The following PRG3 variants were observed in gnomAD, a reference collection of about 807,000 sequenced individuals.
PRG3 encodes the protein proteoglycan 3.
Under a neutral mutation model 26.1 loss-of-function variants are expected in PRG3, and 25 were observed. That is an observed-to-expected ratio of 0.96 (90% CI 0.70 to 1.34). The LOEUF (loss-of-function observed/expected upper bound fraction) is 1.34. Among genes scored for constraint, PRG3 ranks in the 40% most tolerant of loss-of-function variants. PRG3 has a pLI of 0.00. For missense variants in PRG3, 280 were observed against 264.8 expected (o/e 1.06, Z -0.40); for synonymous variants, 111 against 100.4 (o/e 1.11, Z -0.63).
chr11:57,379,464 G>A (rs1856976204), intron 3 of PRG3, 30 bp downstream of exon 3: 2 of 1,557,404 alleles, frequency 1.3e-6, no homozygotes, highest in South Asian at 2.4e-5. Context: ...TTTCCCCCAG[G>A]TCCTCCGCAG....
rs141251058 is a variant in PRG3, at chr11:57,376,865, G to A, written c.663C>T (p.Phe221=). ...RRAQCDKQLP[F]VCSF ...TGCCGCTGGCTTAGAAGGAGCAGACGAAGGGCAGTTGCTTGTCGCATTGAG... is the reference window on the plus strand; with the variant it reads ...TGCCGCTGGCTTAGAAGGAGCAGACAAAGGGCAGTTGCTTGTCGCATTGAG... Residue 221 remains phenylalanine, a synonymous_variant, in exon 6 of 6, where the codon TTC becomes TTT. Transcript: ENST00000287143. 115 of 1,612,600 alleles carry A rather than the reference G, an allele frequency of 7.1e-5. No individual in the cohort carries two copies. The African/African-American group carries it at 1.3e-3, about 18-fold the overall frequency.
In PRG3 at chr11:57,377,854, T is replaced by C; in HGVS notation, c.508-18A>G. On this transcript the variant is annotated intron_variant, in intron 4 of 5. Transcript: ENST00000287143. ...CACAGGAACTAGAGAAGTGACAGGC[T>C]AGGTCAGAGGGCAGAAGTTCAGATC... 6.3e-7 allele frequency: 1 copy of C among 1,597,390 alleles called. No homozygotes were observed. Among genetic ancestry groups the C allele is most frequent in the Non-Finnish European group, 8.6e-7 (1 of 1,166,438 alleles).
Position 57,379,810 on chromosome 11 carries a change from G to A in PRG3, c.62-3C>T, listed in dbSNP as rs1210765767. The A allele has an allele frequency of 1.3e-6, 2 of 1,599,660 alleles. No homozygotes were observed. The highest frequency in any genetic ancestry group is 2.2e-5 in the East Asian group (1 of 44,692). ...CTCCAGATGGGGGGCATCATTCTCTGGGAAGAAGAGGTAACCTGCCATCAG... is the reference window on the plus strand; with the variant it reads ...CTCCAGATGGGGGGCATCATTCTCTAGGAAGAAGAGGTAACCTGCCATCAG... On this transcript the variant is annotated splice_region_variant and splice_polypyrimidine_tract_variant and intron_variant, in intron 2 of 5. Coordinates refer to ENST00000287143, the MANE Select transcript of PRG3 (RefSeq NM_006093.4).
intron 3 of PRG3, 102 bp downstream of exon 3, chr11:57,379,392 T>C: frequency 2.5e-6 from 3 of 1,184,446 alleles, no homozygotes; most frequent in Non-Finnish European, 3.5e-6. Flanking sequence ...TTCTGATGCA[T>C]GCGAGGCTTT....
intron 4 of PRG3, among the ~76,000 whole-genome samples, chr11:57,378,328 A>C (rs1250591193): frequency 6.6e-6 from 1 of 151,978 alleles, no homozygotes; most frequent in Non-Finnish European, 1.5e-5. Context: ...CTGGGCCTGG[A>C]CTCTGTCTCA....
In PRG3 at chr11:57,379,752, A is replaced by T; in HGVS notation, c.117T>A (p.Asp39Glu). ...TCTCCTGCTCCTTTGAACTATCCAG[A>T]TCCTGGCCTAGGTCTGCCTGTGTCT... ...SLETQADLGQ[D>E]LDSSKEQERD... Residue 39 changes from aspartate to glutamate, a missense_variant, in exon 3 of 6, where the codon GAT (aspartate) becomes GAA (glutamate). Physicochemically the swap from Asp to Glu is conservative, Grantham distance 45. Coordinates refer to ENST00000287143, the MANE Select transcript of PRG3 (RefSeq NM_006093.4). 8 of 1,613,854 alleles carry T rather than the reference A, an allele frequency of 5.0e-6. No individual in the cohort carries two copies. Among genetic ancestry groups the T allele is most frequent in the Non-Finnish European group, 6.8e-6 (8 of 1,179,988 alleles).
intron 4 of PRG3, among the ~76,000 whole-genome samples, 185 bp downstream of exon 4, chr11:57,378,496 A>G (rs964759394): frequency 6.6e-6 from 1 of 152,228 alleles, no homozygotes; most frequent in Non-Finnish European, 1.5e-5. Flanking sequence ...GTAGTCACTG[A>G]GCATGGAGTT....
chr11:57,378,536 G>A, intron 4 of PRG3, 145 bp downstream of exon 4: 1 of 1,081,922 alleles, frequency 9.2e-7, no homozygotes, highest in Non-Finnish European at 1.3e-6. Context: ...CAGTTCTCCT[G>A]AGCCAGTACA....
At chr11:57,376,995 TC>T in intron 5 of PRG3, 87 bp from the exon 6 acceptor site, 1 of 1,361,760 alleles carries the variant, frequency 7.3e-7, no homozygotes, top group Non-Finnish European at 1.0e-6. Flanking sequence ...GCCCCCTATG[TC>T]CCCATCTATG....
At chr11:57,380,929 T>C in intron 1 of PRG3, 148 bp from the exon 2 acceptor site, 1 of 429,640 alleles carries the variant, frequency 2.3e-6, no homozygotes, top group Admixed American at 4.8e-5. Context: ...CAAATTTCAT[T>C]TGTCTTCCAG....
intron 3 of PRG3, 100 bp downstream of exon 3, chr11:57,379,394 C>A (rs181239202): frequency 1.4e-5 from 17 of 1,214,476 alleles, no homozygotes; most frequent in Non-Finnish European, 1.8e-5. Context: ...CTGATGCATG[C>A]GAGGCTTTGA....
chr11:57,379,384 C>G (rs1489960804), intron 3 of PRG3, 110 bp downstream of exon 3: 1 of 1,120,212 alleles, frequency 8.9e-7, no homozygotes, highest in African/African-American at 1.6e-5. Context: ...CCAGGTGATT[C>G]TGATGCATGC....
At chr11:57,380,961 A>G (rs1856995866) in intron 1 of PRG3, among the ~76,000 whole-genome samples, 153 bp downstream of exon 1, 1 of 152,222 alleles carries the variant, frequency 6.6e-6, no homozygotes, top group Non-Finnish European at 1.5e-5. Context: ...GCTCTCCAGT[A>G]TCACCCTTAG....
At chr11:57,379,395 G>T in intron 3 of PRG3, 99 bp downstream of exon 3, 1 of 1,220,388 alleles carries the variant, frequency 8.2e-7, no homozygotes, top group Non-Finnish European at 1.1e-6. Flanking sequence ...TGATGCATGC[G>T]AGGCTTTGAG....
At chr11:57,378,922 C>A in intron 3 of PRG3, 110 bp from the exon 4 acceptor site, 2 of 1,260,544 alleles carry the variant, frequency 1.6e-6, no homozygotes, top group South Asian at 2.7e-5. Context: ...CTACTTGCCT[C>A]CCTTAATCCT....
Position 57,380,514 on chromosome 11 carries a change from G to A in PRG3, c.61+134C>T, listed in dbSNP as rs1484109136. 1.8e-5 allele frequency: 12 copies of A among 679,828 alleles called. No homozygotes were observed. In the South Asian group the frequency reaches 1.8e-4, roughly 10 times the overall value. The allele number at this position is 679,828 out of a possible 1,614,324, so 42.1% of individuals were successfully genotyped here. A position where few individuals can be genotyped will look rare whatever the true frequency, so the allele number is the denominator to read the frequency against. On this transcript the variant is annotated intron_variant, in intron 2 of 5. Transcript: ENST00000287143. ...TTCTGAGTCCAAGTGATATCTTACC[G>A]GAGATGAGCTGTATCAGCTAAAGAG...
rs1392049863 is a variant in PRG3 at position 57,380,503 on chromosome 11, GA to G, written c.61+144del. The G allele has an allele frequency of 1.3e-5, 8 of 638,368 alleles. No homozygotes were observed. The Admixed American group carries it at 2.3e-4, about 19-fold the overall frequency. The allele number at this position is 638,368 out of a possible 1,614,324, so 39.5% of individuals were successfully genotyped here. ...CCAGGTTACAGTTCTGAGTCCAAGT[GA>G]TATCTTACCGGAGATGAGCTGTATC... is the stretch of plus-strand genomic sequence containing the variant. On this transcript the variant is annotated intron_variant, in intron 2 of 5. Coordinates refer to ENST00000287143, the MANE Select transcript of PRG3 (RefSeq NM_006093.4).
At position 57,376,927 on chromosome 11, in the gene PRG3, G is replaced by T; in HGVS notation, c.620-19C>A. ...TAACCTCCTAGCAGCACAGAGCACA[G>T]TGAAGTCCACCGCCCTGCGGGGTCT... On this transcript the variant is annotated intron_variant, in intron 5 of 5. Coordinates refer to ENST00000287143, the MANE Select transcript of PRG3 (RefSeq NM_006093.4). 1 of 1,611,702 alleles carries T rather than the reference G, an allele frequency of 6.2e-7. No individual in the cohort carries two copies.
intron 3 of PRG3, among the ~76,000 whole-genome samples, 192 bp downstream of exon 3, chr11:57,379,302 G>A (rs769680768): frequency 1.3e-4 from 20 of 152,128 alleles, no homozygotes; most frequent in Non-Finnish European, 2.8e-4. Flanking sequence ...CAAATTCTCA[G>A]GCTTCACCTC....
Sources: allele counts gnomAD v4.1 joint callset (sites outside exome capture counted in the v4.1 genomes callset), GRCh38; gene constraint gnomAD v4.1.1; transcripts MANE v1.5; gene names NCBI Gene and HGNC (gene_info 2026-07-23, HGNC 2026-07-21).